CREB1: variants seen among roughly 807,000 people sequenced by gnomAD.
CREB1 encodes the protein cyclic AMP-responsive element-binding protein 1.
Under a neutral mutation model 42.0 loss-of-function variants are expected in CREB1, and 2 were observed. The ratio of observed to expected loss-of-function variants is 0.05; its 90% CI spans 0.02 to 0.15. The LOEUF is 0.15. CREB1 is among the 10% of genes least tolerant of loss of function. CREB1 has a pLI of 1.00. For missense variants in CREB1, 199 were observed against 388.9 expected, an observed-to-expected ratio of 0.51 and a Z score of 4.11; for synonymous variants, 123 against 139.9, an observed-to-expected ratio of 0.88 and a Z score of 0.85.
At chr2:207,536,522 G>T (rs913278528) in intron 1 of CREB1, among the ~76,000 whole-genome samples, 15 of 151,944 alleles carry the variant, frequency 9.9e-5, no homozygotes, top group African/African-American at 3.4e-4. Flanking sequence ...ACCATTGCAC[G>T]CCAGGCTGGG....
At chr2:207,552,063 A>AAG (rs2081530121) in intron 1 of CREB1, among the ~76,000 whole-genome samples, 1 of 150,824 alleles carries the variant, frequency 6.6e-6, no homozygotes, top group Non-Finnish European at 1.5e-5. Flanking sequence ...AAAAAAAAAA[A>AAG]AAAATTAAGA....
rs2086738757 is a variant in CREB1, at chr2:207,599,838, T to G, written c.*2780T>G. ...ATTACCAGTAATAAATGTTTTTCTC[T>G]TTATATTGGCCAAAAGGGAATAAAA... On this transcript the variant is annotated 3_prime_UTR_variant, in exon 8 of 8. Coordinates refer to ENST00000353267, the MANE Select transcript of CREB1 (RefSeq NM_004379.5). 5.1e-6 allele frequency: 1 copy of G among 195,468 alleles called. No individual in the cohort carries two copies. Among genetic ancestry groups the G allele is most frequent in the Non-Finnish European group, 1.1e-5 (1 of 93,996 alleles). 12.1% of individuals were successfully genotyped at this position (195,468 alleles called of 1,614,324 possible). A position where few individuals can be genotyped will look rare whatever the true frequency, so the allele number is the denominator to read the frequency against.
At position 207,603,922 on chromosome 2, in the gene CREB1, CTGCATTATTTGTATGT is replaced by C. The variant is rs1421070715; in HGVS notation, c.*6866_*6881del. Among the ~76,000 whole-genome samples the C allele has an allele frequency of 6.6e-6, 1 of 152,160 alleles. No homozygotes were observed. Among genetic ancestry groups the C allele is most frequent in the Admixed American group, 6.5e-5 (1 of 15,286 alleles). ...AGACGAGACATCTGAAAATAAGCAGCTGCATTATTTGTATGTTTCTTCACTGCCAAGATGTGTTCAA... is the reference window on the plus strand; with the variant it reads ...AGACGAGACATCTGAAAATAAGCAGCTTCTTCACTGCCAAGATGTGTTCAA... On this transcript the variant is annotated 3_prime_UTR_variant, in exon 8 of 8. Coordinates refer to ENST00000353267, the MANE Select transcript of CREB1 (RefSeq NM_004379.5).
At chr2:207,585,956 A>C (rs958474585) in intron 7 of CREB1, among the ~76,000 whole-genome samples, 1 of 151,718 alleles carries the variant, frequency 6.6e-6, no homozygotes, top group Admixed American at 6.5e-5. Context: ...CTATTTAACA[A>C]AATAATCACT....
At chr2:207,581,450 A>T (rs907783577) in intron 7 of CREB1, 6 of 201,364 alleles carry the variant, frequency 3.0e-5, no homozygotes, top group African/African-American at 1.4e-4. Flanking sequence ...CAGGTTTTTT[A>T]AATTTATTAT....
chr2:207,541,251 G>A (rs899461477), intron 1 of CREB1, among the ~76,000 whole-genome samples: 29 of 152,098 alleles, frequency 1.9e-4, no homozygotes, highest in Non-Finnish European at 3.7e-4. Context: ...AGTATACAGT[G>A]CCTTTGAAGT....
chr2:207,576,834 C>T lies in CREB1; in HGVS notation c.689-671C>T, dbSNP rs183253960. ...TCCTTATTAGGAGAGCATATTATTA[C>T]GCTGTTTTTAGAAGCAGTTTGACAA... On this transcript the variant is annotated intron_variant, in intron 6 of 7. Coordinates refer to ENST00000353267, the MANE Select transcript of CREB1 (RefSeq NM_004379.5). The T allele has an allele frequency of 8.0e-5, 80 of 1,002,974 alleles. No individual in the cohort carries two copies. The African/African-American group carries it at 9.7e-4, about 12-fold the overall frequency. 62.1% of individuals were successfully genotyped at this position (1,002,974 alleles called of 1,614,324 possible). A position where few individuals can be genotyped will look rare whatever the true frequency, so the allele number is the denominator to read the frequency against.
In CREB1 at chr2:207,605,820, G is replaced by A. The variant is rs540371516; in HGVS notation, c.*8762G>A. On this transcript the variant is annotated 3_prime_UTR_variant, in exon 8 of 8. Coordinates refer to ENST00000353267, the MANE Select transcript of CREB1 (RefSeq NM_004379.5). ...AGTTGTATCTCCAGGATACTGAGAA[G>A]TAAAAGTTATTTCTGAATTATGGTT... 6.6e-4 allele frequency among the ~76,000 whole-genome samples: 100 copies of A among 152,194 alleles called. No homozygotes were observed. The highest frequency in any genetic ancestry group is 1.0e-3 in the Non-Finnish European group (70 of 68,026).
At chr2:207,546,171 G>A (rs1408639160) in intron 1 of CREB1, among the ~76,000 whole-genome samples, 3 of 152,136 alleles carry the variant, frequency 2.0e-5, no homozygotes, top group Admixed American at 6.5e-5. Context: ...GAGAAATAGC[G>A]TGAGATTGTA....
At chr2:207,537,162 C>T (rs1323244563) in intron 1 of CREB1, among the ~76,000 whole-genome samples, 1 of 151,988 alleles carries the variant, frequency 6.6e-6, no homozygotes, top group Non-Finnish European at 1.5e-5. Flanking sequence ...TAAAGCGATT[C>T]CCCTGCCTCA....
At chr2:207,532,154 A>G (rs1032955243) in intron 1 of CREB1, among the ~76,000 whole-genome samples, 4 of 151,644 alleles carry the variant, frequency 2.6e-5, no homozygotes, top group Admixed American at 2.6e-4. Flanking sequence ...CAGGAGTGCA[A>G]GACCAGCCTG....
At chr2:207,577,929 C>G in intron 7 of CREB1, 1 of 416,844 alleles carries the variant, frequency 2.4e-6, no homozygotes, top group Non-Finnish European at 4.5e-6. Flanking sequence ...TGTCTGCACT[C>G]CAACCAGTTA....
chr2:207,560,189 C>G, intron 2 of CREB1, 37 bp from the exon 3 acceptor site: 2 of 1,520,738 alleles, frequency 1.3e-6, no homozygotes, highest in Non-Finnish European at 1.8e-6. Context: ...CAAAGAGTGT[C>G]TGGGATGATA....
At position 207,599,255 on chromosome 2, in the gene CREB1, G is replaced by A. The variant is rs1237668050; in HGVS notation, c.*2197G>A. The A allele has an allele frequency of 1.5e-5, 3 of 201,864 alleles. No individual in the cohort carries two copies. The East Asian group carries it at 2.3e-4, about 16-fold the overall frequency. 12.5% of individuals were successfully genotyped at this position (201,864 alleles called of 1,614,324 possible). The stretch of plus-strand genomic sequence containing the variant: ...AAAAATTGTGTAACCGCATAGATAT[G>A]TCATTTTTAAAAACTGGTTTAACAG... On this transcript the variant is annotated 3_prime_UTR_variant, in exon 8 of 8. Coordinates refer to ENST00000353267, the MANE Select transcript of CREB1 (RefSeq NM_004379.5).
chr2:207,549,129 A>C (rs1166908286), intron 1 of CREB1, among the ~76,000 whole-genome samples: 1 of 152,226 alleles, frequency 6.6e-6, no homozygotes, highest in Non-Finnish European at 1.5e-5. Flanking sequence ...AAATATTTAT[A>C]ACCTTTGTTA....
chr2:207,594,295 C>G (rs890537180), intron 7 of CREB1, among the ~76,000 whole-genome samples: 1 of 151,952 alleles, frequency 6.6e-6, no homozygotes, highest in African/African-American at 2.4e-5. Context: ...ATGTTAAGTA[C>G]ATTCATATTG....
intron 7 of CREB1, among the ~76,000 whole-genome samples, chr2:207,586,753 A>G (rs2083914520): frequency 6.6e-6 from 1 of 152,226 alleles, no homozygotes; most frequent in Admixed American, 6.5e-5. Context: ...GTCTGAATAG[A>G]CATTTCTCAA....
intron 7 of CREB1, among the ~76,000 whole-genome samples, chr2:207,592,871 C>T (rs2085331561): frequency 7.6e-6 from 1 of 131,692 alleles, no homozygotes; most frequent in Non-Finnish European, 1.6e-5. Flanking sequence ...CCAGATTGCA[C>T]CACTGCACTC....
chr2:207,560,375 A>G lies in CREB1; in HGVS notation c.261+3A>G. On this transcript the variant is annotated splice_donor_region_variant and intron_variant, in intron 3 of 7. Coordinates refer to ENST00000353267, the MANE Select transcript of CREB1 (RefSeq NM_004379.5). ...CTCCACAAGTCCAAACAGTTCAGGT[A>G]TGTGTATAAAAAGTTCTGCATCTAT... 2 of 1,607,888 alleles carry G rather than the reference A, an allele frequency of 1.2e-6. No individual in the cohort carries two copies. The highest frequency in any genetic ancestry group is 1.7e-6 in the Non-Finnish European group (2 of 1,177,662).
Sources: gnomAD v4.1 joint callset for allele counts (sites outside exome capture counted in the v4.1 genomes callset) on GRCh38, gnomAD v4.1.1 for gene constraint, MANE v1.5 for transcripts, NCBI Gene and HGNC (gene_info 2026-07-23, HGNC 2026-07-21) for gene names.